The following IL16 variants were observed in gnomAD, a reference collection of about 807,000 sequenced individuals.
IL16 encodes the protein pro-interleukin-16.
Under a neutral mutation model 110.1 loss-of-function variants are expected in IL16, and 67 were observed. The observed-to-expected ratio is 0.61, with a 90% CI of 0.50 to 0.75. The LOEUF (loss-of-function observed/expected upper bound fraction) is 0.75. Among genes scored for constraint, IL16 ranks in the 30% least tolerant of loss-of-function variants. IL16 has a pLI of 0.00. For missense variants in IL16, 1,545 were observed against 1,655.0 expected, an observed-to-expected ratio of 0.93 and a Z score of 1.15; for synonymous variants, 689 against 662.9, an observed-to-expected ratio of 1.04 and a Z score of -0.61.
intron 1 of IL16, among the ~76,000 whole-genome samples, chr15:81,218,968 A>G (rs1036406614): frequency 5.3e-5 from 8 of 151,974 alleles, no homozygotes; most frequent in African/African-American, 1.9e-4. Flanking sequence ...CGTGCAAGGC[A>G]ATAAGCTAAG....
At chr15:81,186,498 T>C (rs947587986) in intron 1 of IL16, among the ~76,000 whole-genome samples, 3 of 152,208 alleles carry the variant, frequency 2.0e-5, no homozygotes, top group African/African-American at 4.8e-5. Context: ...CCACTCGACA[T>C]TGGGTTGTGG....
rs550627179 is a variant in IL16, at chr15:81,235,678, C to T, written c.312+9967C>T. Among the ~76,000 whole-genome samples, 31 of 152,248 alleles carry T rather than the reference C, an allele frequency of 2.0e-4. 1 individual carries two copies. Among genetic ancestry groups the T allele is most frequent in the African/African-American group, 7.2e-4 (30 of 41,556 alleles). ...AATGTGAGCAGGTCACAAAGTAGAC[C>T]TGGAACCCCATGTTTTACGACACGG... is the stretch of plus-strand genomic sequence containing the variant. On this transcript the variant is annotated intron_variant, in intron 2 of 18. Transcript: ENST00000683961.
chr15:81,279,807 G>T, intron 8 of IL16, 33 bp downstream of exon 8: 1 of 1,582,868 alleles, frequency 6.3e-7, no homozygotes. Context: ...CCGTGCCTGG[G>T]TCTCCCAGCA....
At chr15:81,245,932 G>A (rs925013729) in intron 2 of IL16, among the ~76,000 whole-genome samples, 10 of 151,722 alleles carry the variant, frequency 6.6e-5, no homozygotes, top group Non-Finnish European at 1.2e-4. Context: ...GTTTTTAGTT[G>A]TACTTACTGG....
At chr15:81,271,819 A>G (rs1898655286) in intron 5 of IL16, among the ~76,000 whole-genome samples, 1 of 152,140 alleles carries the variant, frequency 6.6e-6, no homozygotes. Context: ...GAGGCTTAGA[A>G]CAGCTGCTCA....
chr15:81,205,677 A>G (rs1336685081), intron 1 of IL16, among the ~76,000 whole-genome samples: 2 of 152,202 alleles, frequency 1.3e-5, no homozygotes, highest in Non-Finnish European at 2.9e-5. Flanking sequence ...ACATTAAAAT[A>G]AAAGAGACTC....
chr15:81,269,927 ACAGT>A (rs1898560605), intron 5 of IL16, among the ~76,000 whole-genome samples: 1 of 152,234 alleles, frequency 6.6e-6, no homozygotes, highest in Admixed American at 6.5e-5. Context: ...CATTCCTGGC[ACAGT>A]AGTTTCCAGG....
At chr15:81,246,610 G>A (rs1897559019) in intron 2 of IL16, among the ~76,000 whole-genome samples, 1 of 152,038 alleles carries the variant, frequency 6.6e-6, no homozygotes, top group African/African-American at 2.4e-5. Context: ...TGGTTCCAAG[G>A]TTACACTGAC....
At chr15:81,224,555 G>A (rs954247275) in intron 1 of IL16, among the ~76,000 whole-genome samples, 1 of 152,244 alleles carries the variant, frequency 6.6e-6, no homozygotes, top group African/African-American at 2.4e-5. Context: ...CTCTGGCCAA[G>A]TGTTTGACTT....
chr15:81,223,999 T>C (rs1241025526), intron 1 of IL16, among the ~76,000 whole-genome samples: 1 of 152,212 alleles, frequency 6.6e-6, no homozygotes, highest in Non-Finnish European at 1.5e-5. Context: ...TACTAAAGCA[T>C]CAAACACAGT....
intron 18 of IL16, among the ~76,000 whole-genome samples, chr15:81,308,081 G>C (rs996635233): frequency 6.6e-6 from 1 of 152,174 alleles, no homozygotes; most frequent in African/African-American, 2.4e-5. Context: ...TGAAATAGTG[G>C]GGGCCATATA....
At position 81,225,387 on chromosome 15, in the gene IL16, T is replaced by A. The variant is rs1276263285; in HGVS notation, c.-13T>A. 2 of 1,612,924 alleles carry A rather than the reference T, an allele frequency of 1.2e-6. No homozygotes were observed. On this transcript the variant is annotated 5_prime_UTR_variant, in exon 2 of 19. Coordinates refer to ENST00000683961, the MANE Select transcript of IL16 (RefSeq NM_172217.5). ...AGGAAAGGAAGAAAGGCAGCTTCAC[T>A]TCCTCTTTGAGGATGGAGTCGCACA...
At chr15:81,182,974 C>A in intron 1 of IL16, 1 of 919,388 alleles carries the variant, frequency 1.1e-6, no homozygotes, top group Non-Finnish European at 1.5e-6. Context: ...CTGACATCCT[C>A]CCAGGGGAAT....
chr15:81,191,980 G>A (rs1158281748), upstream of IL16, among the ~76,000 whole-genome samples: 1 of 152,176 alleles, frequency 6.6e-6, no homozygotes, highest in Non-Finnish European at 1.5e-5. Context: ...GCCTTTGGAA[G>A]GGGTGGAGCA....
chr15:81,251,137 T>A (rs1379892807), intron 2 of IL16, among the ~76,000 whole-genome samples: 1 of 152,146 alleles, frequency 6.6e-6, no homozygotes, highest in African/African-American at 2.4e-5. Flanking sequence ...TGTTGATACA[T>A]TTACATCCCA....
intron 6 of IL16, among the ~76,000 whole-genome samples, chr15:81,275,461 A>C (rs1044019595): frequency 6.7e-6 from 1 of 149,828 alleles, no homozygotes; most frequent in African/African-American, 2.5e-5. Flanking sequence ...GAAATGTCAA[A>C]GAGAGGAAAA....
Position 81,303,728 on chromosome 15 carries a change from G to A in IL16, c.3420+78G>A, listed in dbSNP as rs766119920. On this transcript the variant is annotated intron_variant, in intron 16 of 18. Transcript: ENST00000683961. The surrounding 1 kb of genome is among the most constrained non-coding windows in gnomAD (Gnocchi z 4.1). ...GAGGGGGACACACTTGCCAGGAAGG[G>A]GCCCTGTGCTGGGGAAATGAAGAAT... 2.5e-5 allele frequency: 24 copies of A among 955,504 alleles called. No homozygotes were observed. The highest frequency in any genetic ancestry group is 3.6e-5 in the Non-Finnish European group (21 of 590,104). 59.2% of individuals were successfully genotyped at this position (955,504 alleles called of 1,614,324 possible). A position where few individuals can be genotyped will look rare whatever the true frequency, so the allele number is the denominator to read the frequency against.
intron 1 of IL16, among the ~76,000 whole-genome samples, chr15:81,185,500 A>G (rs1409157857): frequency 6.6e-6 from 1 of 151,818 alleles, no homozygotes; most frequent in Non-Finnish European, 1.5e-5. Context: ...AGACTACAGG[A>G]GCGTGCCACC....
rs186070351 is a variant in IL16, at chr15:81,260,910, T to G, written c.421+1030T>G. Among the ~76,000 whole-genome samples the G allele has an allele frequency of 7.2e-5, 11 of 152,374 alleles. No individual in the cohort carries two copies. In the East Asian group the frequency reaches 2.1e-3, roughly 29 times the overall value. ...CTAGCATAATTTTCTAGAAATGGAA[T>G]TTGGGGTTAAACGGTAGATGTAGTT... is the stretch of plus-strand genomic sequence containing the variant. On this transcript the variant is annotated intron_variant, in intron 3 of 18. Coordinates refer to ENST00000683961, the MANE Select transcript of IL16 (RefSeq NM_172217.5).
Sources: allele counts gnomAD v4.1 joint callset (sites outside exome capture counted in the v4.1 genomes callset), GRCh38; gene constraint gnomAD v4.1.1; non-coding constraint Gnocchi (gnomAD v3.1); transcripts MANE v1.5; gene names NCBI Gene and HGNC (gene_info 2026-07-23, HGNC 2026-07-21).